The following AIG1 variants were observed in gnomAD, a reference collection of about 807,000 sequenced individuals.
AIG1 encodes androgen-induced gene 1 protein.
AIG1 carries 23 observed loss-of-function variants against 31.4 expected under a neutral mutation model. The ratio of observed to expected loss-of-function variants is 0.73; its 90% CI spans 0.53 to 1.04. The LOEUF is 1.04. Among genes scored for constraint, AIG1 ranks in the 50% least tolerant of loss-of-function variants. The probability of loss-of-function intolerance (pLI) is 0.00; values close to 1 mark genes in which losing one functional copy is unlikely to be tolerated. For missense variants in AIG1, 274 were observed against 295.0 expected (o/e 0.93, Z 0.52); for synonymous variants, 100 against 110.5 (o/e 0.90, Z 0.60).
In AIG1 at chr6:143,118,111, G is replaced by A. The variant is rs531735854; in HGVS notation, c.142-18724G>A. On this transcript the variant is annotated intron_variant, in intron 1 of 5. Coordinates refer to ENST00000357847, the MANE Select transcript of AIG1 (RefSeq NM_016108.4). Reference sequence around the variant, plus strand: ...TTCAGAAAAGGACAAAAGCAATGTAGGTCCACAAAGATTAAAACATCACTA... The same window carrying A: ...TTCAGAAAAGGACAAAAGCAATGTAAGTCCACAAAGATTAAAACATCACTA... Among the ~76,000 whole-genome samples, 8 of 152,284 alleles carry A rather than the reference G, an allele frequency of 5.3e-5. No individual in the cohort carries two copies. In the South Asian group the frequency reaches 1.7e-3, roughly 32 times the overall value.
intron 3 of AIG1, among the ~76,000 whole-genome samples, chr6:143,249,941 T>C (rs1562525313): frequency 6.6e-6 from 1 of 152,226 alleles, no homozygotes; most frequent in Non-Finnish European, 1.5e-5. Flanking sequence ...CCTGGCTCCT[T>C]GTCCAGCTGG....
chr6:143,301,767 C>G (rs945611437), intron 4 of AIG1, among the ~76,000 whole-genome samples: 3 of 152,112 alleles, frequency 2.0e-5, no homozygotes, highest in Non-Finnish European at 2.9e-5. Context: ...TATTATAATT[C>G]AAGGTGAGAT....
intron 1 of AIG1, among the ~76,000 whole-genome samples, chr6:143,071,322 T>G (rs1010574628): frequency 1.3e-5 from 2 of 152,262 alleles, no homozygotes; most frequent in Non-Finnish European, 2.9e-5. Context: ...CACCACAGTT[T>G]AGCCATTTAT....
chr6:143,177,006 C>T (rs1027848030), intron 3 of AIG1, among the ~76,000 whole-genome samples: 3 of 152,164 alleles, frequency 2.0e-5, no homozygotes, highest in Non-Finnish European at 2.9e-5. Flanking sequence ...ATTTTTTCCC[C>T]CGCATTCTCC....
Position 143,256,359 on chromosome 6 carries a change from C to G in AIG1, c.400-27751C>G, listed in dbSNP as rs1795372877. On this transcript the variant is annotated intron_variant, in intron 3 of 5. Coordinates refer to ENST00000357847, the MANE Select transcript of AIG1 (RefSeq NM_016108.4). This position sits in a 1 kb window ranked among gnomAD's most constrained non-coding sequence, Gnocchi z 4.6. ...CTCCAACCTCTTGTTTTCTCTCCTTCCCTTCTAAGTCTACAGTTTTATTTA... is the reference window on the plus strand; with the variant it reads ...CTCCAACCTCTTGTTTTCTCTCCTTGCCTTCTAAGTCTACAGTTTTATTTA... 6.6e-6 allele frequency among the ~76,000 whole-genome samples: 1 copy of G among 152,156 alleles called. No homozygotes were observed. Among genetic ancestry groups the G allele is most frequent in the South Asian group, 2.1e-4 (1 of 4,824 alleles).
chr6:143,342,701 A>G, downstream of AIG1: 9 of 1,181,188 alleles, frequency 7.6e-6, no homozygotes, highest in Admixed American at 8.4e-5. Context: ...AGGAGACTTC[A>G]GAAAGGAGAT....
At chr6:143,337,957 T>C in intron 5 of AIG1, 1 of 398,594 alleles carries the variant, frequency 2.5e-6, no homozygotes, top group Non-Finnish European at 4.4e-6. Context: ...AGCTGTCTAA[T>C]TTTTTCTGTC....
At chr6:143,148,765 G>A (rs1200367752) in intron 2 of AIG1, among the ~76,000 whole-genome samples, 2 of 151,890 alleles carry the variant, frequency 1.3e-5, no homozygotes, top group Non-Finnish European at 2.9e-5. Flanking sequence ...TCGAGCTGCA[G>A]TGAGCTGTGA....
intron 2 of AIG1, among the ~76,000 whole-genome samples, chr6:143,141,211 T>A (rs1163111328): frequency 6.6e-6 from 1 of 152,224 alleles, no homozygotes. Context: ...CTTTTCCTGA[T>A]GCTCCCATTA....
Position 143,325,967 on chromosome 6 carries a change from G to A in AIG1, c.516-7315G>A, listed in dbSNP as rs11970742. 5.2e-3 allele frequency among the ~76,000 whole-genome samples: 796 copies of A among 152,240 alleles called. 3 individuals carry two copies. Among genetic ancestry groups the A allele is most frequent in the African/African-American group, 0.018 (734 of 41,532 alleles). ...ATTCAAGCTACTGACCAACCAGCTT[G>A]CAAACCACCTAAAGATTTAACAACC... On this transcript the variant is annotated intron_variant, in intron 4 of 5. Coordinates refer to ENST00000357847, the MANE Select transcript of AIG1 (RefSeq NM_016108.4). This position sits in a 1 kb window ranked among gnomAD's most constrained non-coding sequence, Gnocchi z 4.3.
At chr6:143,250,369 G>A (rs893536125) in intron 3 of AIG1, among the ~76,000 whole-genome samples, 14 of 152,270 alleles carry the variant, frequency 9.2e-5, no homozygotes, top group Admixed American at 2.0e-4. Flanking sequence ...CAATGGGCAA[G>A]TTATAAATTT....
chr6:143,220,753 T>G (rs1405365273), intron 3 of AIG1, among the ~76,000 whole-genome samples: 1 of 152,220 alleles, frequency 6.6e-6, no homozygotes, highest in African/African-American at 2.4e-5. Context: ...TTATTGGGCC[T>G]CTCCTTGATC....
chr6:143,343,363 A>G, downstream of AIG1: 1 of 578,302 alleles, frequency 1.7e-6, no homozygotes, highest in South Asian at 1.4e-5. Context: ...GCCCCCCCAA[A>G]CAAGAGGTGG....
chr6:143,249,797 C>A (rs1030758364), intron 3 of AIG1, among the ~76,000 whole-genome samples: 1 of 152,150 alleles, frequency 6.6e-6, no homozygotes, highest in African/African-American at 2.4e-5. Context: ...TATGTAAAGC[C>A]TCTAAAAGAA....
At chr6:143,163,755 G>A (rs1786644353) in intron 2 of AIG1, among the ~76,000 whole-genome samples, 1 of 152,170 alleles carries the variant, frequency 6.6e-6, no homozygotes, top group African/African-American at 2.4e-5. Flanking sequence ...TGCTTAATCT[G>A]TGTTTATAAT....
chr6:143,318,799 A>G (rs1775966561), intron 4 of AIG1, among the ~76,000 whole-genome samples: 2 of 152,040 alleles, frequency 1.3e-5, no homozygotes, highest in African/African-American at 4.8e-5. Flanking sequence ...AAAAAATCCC[A>G]TTAAAAAGTG....
At chr6:143,212,530 C>T (rs908243069) in intron 3 of AIG1, among the ~76,000 whole-genome samples, 3 of 152,260 alleles carry the variant, frequency 2.0e-5, no homozygotes, top group Non-Finnish European at 4.4e-5. Context: ...CTTCCAGACA[C>T]GTTTTAAGCA....
intron 1 of AIG1, among the ~76,000 whole-genome samples, chr6:143,075,286 A>G (rs1777631040): frequency 6.6e-6 from 1 of 151,708 alleles, no homozygotes; most frequent in Non-Finnish European, 1.5e-5. Context: ...TCTCAATTTC[A>G]TTGATTTCTC....
chr6:143,165,274 C>G lies in AIG1; in HGVS notation c.399+91C>G, dbSNP rs1786815023. ...TATTTAGACCTTCCATAGAATTTGCCTAAAAAGCCATGAAATCTTGGAAGG... is the reference window on the plus strand; with the variant it reads ...TATTTAGACCTTCCATAGAATTTGCGTAAAAAGCCATGAAATCTTGGAAGG... On this transcript the variant is annotated intron_variant, in intron 3 of 5. Coordinates refer to ENST00000357847, the MANE Select transcript of AIG1 (RefSeq NM_016108.4). 18 of 1,008,148 alleles carry G rather than the reference C, an allele frequency of 1.8e-5. No homozygotes were observed. The South Asian group carries it at 2.5e-4, about 14-fold the overall frequency. The allele number at this position is 1,008,148 out of a possible 1,614,324, so 62.5% of individuals were successfully genotyped here.
Sources: gnomAD v4.1 joint callset for allele counts (sites outside exome capture counted in the v4.1 genomes callset) on GRCh38, gnomAD v4.1.1 for gene constraint, Gnocchi (gnomAD v3.1) non-coding constraint, MANE v1.5 for transcripts, NCBI Gene and HGNC (gene_info 2026-07-23, HGNC 2026-07-21) for gene names.